MSRA: variants seen among roughly 807,000 people sequenced by gnomAD.
MSRA encodes methionine sulfoxide reductase A.
MSRA carries 54 observed loss-of-function variants against 31.3 expected under a neutral mutation model. That is an observed-to-expected ratio of 1.73 (90% CI 1.39 to 2.17). The LOEUF (loss-of-function observed/expected upper bound fraction) is 2.17, where lower values mean the gene tolerates loss of function less well. MSRA is among the 30% of genes most tolerant of loss of function. The pLI is 0.00. For missense variants in MSRA, 507 were observed against 300.9 expected (o/e 1.69, Z -5.07); for synonymous variants, 169 against 116.5 (o/e 1.45, Z -2.90).
At chr8:10,152,076 C>T (rs898154280) in intron 1 of MSRA, among the ~76,000 whole-genome samples, 1 of 152,188 alleles carries the variant, frequency 6.6e-6, no homozygotes, top group Non-Finnish European at 1.5e-5. Flanking sequence ...ACATGGCTCC[C>T]TTAACTGCAC....
Position 10,319,985 on chromosome 8 carries a change from A to G in MSRA, c.539A>G (p.Gln180Arg). ...GCCCTGAGCTCCAAAGAGAACTACC[A>G]AAAGGTAGGGATTGCTGGGCTCCTA... The part of the protein sequence containing the change: ...EAALSSKENY[Q>R]KVLSEHGFGP... The change falls in exon 5 of 6, where the codon CAA becomes CGA. Residue 180 changes from glutamine (Q) to arginine (R), a missense_variant. Physicochemically the swap from Gln to Arg is conservative, Grantham distance 43. Coordinates refer to ENST00000317173, the MANE Select transcript of MSRA (RefSeq NM_012331.5). 6.3e-7 allele frequency: 1 copy of G among 1,597,310 alleles called. No individual in the cohort carries two copies. Among genetic ancestry groups the G allele is most frequent in the South Asian group, 1.2e-5 (1 of 86,646 alleles).
chr8:10,351,902 C>T (rs1473728944), intron 5 of MSRA, among the ~76,000 whole-genome samples: 1 of 152,218 alleles, frequency 6.6e-6, no homozygotes, highest in Non-Finnish European at 1.5e-5. Flanking sequence ...CTTCTCTGGA[C>T]CCTGGCTGTC....
At chr8:10,270,677 G>A (rs1798986873) in intron 3 of MSRA, among the ~76,000 whole-genome samples, 1 of 152,228 alleles carries the variant, frequency 6.6e-6, no homozygotes, top group Non-Finnish European at 1.5e-5. Flanking sequence ...CCAGGTGGAT[G>A]TACCTGAGGT....
chr8:10,307,277 C>A (rs1432035247), intron 4 of MSRA, among the ~76,000 whole-genome samples: 1 of 152,018 alleles, frequency 6.6e-6, no homozygotes, highest in Non-Finnish European at 1.5e-5. Context: ...AGACATCCTC[C>A]CACCTCAGCC....
intron 5 of MSRA, among the ~76,000 whole-genome samples, chr8:10,326,147 A>C (rs937828512): frequency 1.3e-5 from 2 of 152,152 alleles, no homozygotes; most frequent in African/African-American, 2.4e-5. Context: ...TTAGGTTACT[A>C]ATTTAATAGT....
chr8:10,268,861 T>G (rs1798881624), intron 3 of MSRA, among the ~76,000 whole-genome samples: 2 of 152,226 alleles, frequency 1.3e-5, no homozygotes, highest in South Asian at 4.1e-4. Context: ...CTCCTGGAAT[T>G]CAGGTACAAT....
At chr8:10,142,312 A>C (rs1802788595) in intron 1 of MSRA, among the ~76,000 whole-genome samples, 1 of 152,010 alleles carries the variant, frequency 6.6e-6, no homozygotes, top group African/African-American at 2.4e-5. Flanking sequence ...CCAACGAGGT[A>C]GGTAATAGGA....
At chr8:10,296,247 A>C (rs1219361442) in intron 3 of MSRA, among the ~76,000 whole-genome samples, 1 of 152,146 alleles carries the variant, frequency 6.6e-6, no homozygotes. Flanking sequence ...ACAGAGATAA[A>C]ATTCAGTTTG....
At chr8:10,297,256 T>A (rs1028202594) in intron 3 of MSRA, among the ~76,000 whole-genome samples, 1 of 152,146 alleles carries the variant, frequency 6.6e-6, no homozygotes, top group Non-Finnish European at 1.5e-5. Flanking sequence ...TCTCCATTTG[T>A]TCATCTTCCT....
intron 1 of MSRA, among the ~76,000 whole-genome samples, chr8:10,074,818 C>T (rs62488695): frequency 0.11 from 17,018 of 152,108 alleles, 1,123 homozygotes; most frequent in East Asian, 0.25. Flanking sequence ...ACCACCATGC[C>T]TGGCTAATTT....
At chr8:10,120,671 G>A (rs1302438774) in intron 1 of MSRA, among the ~76,000 whole-genome samples, 1 of 152,224 alleles carries the variant, frequency 6.6e-6, no homozygotes, top group Non-Finnish European at 1.5e-5. Context: ...TACAGTAGGG[G>A]AGATGATCAT....
At chr8:10,379,488 A>C (rs1160133083) in intron 5 of MSRA, among the ~76,000 whole-genome samples, 1 of 152,146 alleles carries the variant, frequency 6.6e-6, no homozygotes, top group Non-Finnish European at 1.5e-5. Context: ...GCCTCGCCCC[A>C]TGCCAGGCCC....
intron 5 of MSRA, among the ~76,000 whole-genome samples, chr8:10,370,407 G>A (rs1368096542): frequency 6.6e-6 from 1 of 152,210 alleles, no homozygotes; most frequent in Non-Finnish European, 1.5e-5. Context: ...GGCCAGTGAA[G>A]AAATAGCAAG....
At chr8:10,422,468 G>T (rs1265763096) in intron 5 of MSRA, among the ~76,000 whole-genome samples, 1 of 152,216 alleles carries the variant, frequency 6.6e-6, no homozygotes, top group African/African-American at 2.4e-5. Context: ...GAGTCTGTGA[G>T]AAAAACACAA....
chr8:10,228,683 A>G (rs1212236590), intron 2 of MSRA, among the ~76,000 whole-genome samples: 3 of 152,140 alleles, frequency 2.0e-5, no homozygotes, highest in Admixed American at 6.5e-5. Context: ...CTTCATGGGA[A>G]TCCAGAGTCT....
chr8:10,305,740 C>A (rs1041205756), intron 4 of MSRA, among the ~76,000 whole-genome samples: 4 of 152,100 alleles, frequency 2.6e-5, no homozygotes, highest in Non-Finnish European at 4.4e-5. Flanking sequence ...TTGGAGGGAG[C>A]AAAGCTGGTA....
intron 4 of MSRA, among the ~76,000 whole-genome samples, chr8:10,315,763 T>A (rs1291419869): frequency 6.6e-6 from 1 of 152,244 alleles, no homozygotes; most frequent in Non-Finnish European, 1.5e-5. Context: ...ATTTTACTAT[T>A]TTGAACGTTT....
At chr8:10,417,206 A>C (rs1225033910) in intron 5 of MSRA, among the ~76,000 whole-genome samples, 2 of 152,110 alleles carry the variant, frequency 1.3e-5, no homozygotes, top group African/African-American at 4.8e-5. Context: ...TGGGAGGGTC[A>C]GTGAGCTCCG....
At position 10,136,302 on chromosome 8, in the gene MSRA, G is replaced by C. The variant is rs550233608; in HGVS notation, c.143-71531G>C. 4.1e-4 allele frequency among the ~76,000 whole-genome samples: 62 copies of C among 152,250 alleles called. 1 individual carries two copies. Among genetic ancestry groups the C allele is most frequent in the Non-Finnish European group, 7.3e-5 (5 of 68,028 alleles). Reference sequence around the variant, plus strand: ...CTATCTCAACTAGCTTCTGCTATCGGACTTCTGGGGAGAAAGGGTTTGGTG... The same window carrying C: ...CTATCTCAACTAGCTTCTGCTATCGCACTTCTGGGGAGAAAGGGTTTGGTG... On this transcript the variant is annotated intron_variant, in intron 1 of 5. Transcript: ENST00000317173.
Sources: allele counts gnomAD v4.1 joint callset (sites outside exome capture counted in the v4.1 genomes callset), GRCh38; gene constraint gnomAD v4.1.1; transcripts MANE v1.5; gene names NCBI Gene and HGNC (gene_info 2026-07-23, HGNC 2026-07-21).